The following RIPOR2 variants were observed in gnomAD, a reference collection of about 807,000 sequenced individuals.
RIPOR2 encodes the protein RHO family interacting cell polarization regulator 2.
A neutral mutation model predicts 114.5 loss-of-function variants in RIPOR2; 39 were observed. That is an observed-to-expected ratio of 0.34 (90% CI 0.26 to 0.44). The LOEUF (loss-of-function observed/expected upper bound fraction) is 0.44. Ranked by LOEUF, RIPOR2 falls within the 20% of genes least tolerant of loss-of-function variation. The pLI, the probability that RIPOR2 is intolerant of heterozygous loss-of-function variation, is 1.00. For missense variants in RIPOR2, 1,007 were observed against 1,255.1 expected (o/e 0.80, Z 2.99); for synonymous variants, 445 against 484.4 (o/e 0.92, Z 1.07).
intron 1 of RIPOR2, among the ~76,000 whole-genome samples, chr6:24,965,942 C>T (rs1276648509): frequency 6.6e-6 from 1 of 152,120 alleles, no homozygotes; most frequent in East Asian, 1.9e-4. Flanking sequence ...GTTTCAAACT[C>T]TAATTTGGAG....
intron 1 of RIPOR2, among the ~76,000 whole-genome samples, chr6:24,951,804 T>C (rs1202384271): frequency 6.6e-6 from 1 of 152,254 alleles, no homozygotes; most frequent in Non-Finnish European, 1.5e-5. Context: ...CACAGAATAA[T>C]CAGCTTTGGC....
At chr6:24,953,109 G>A (rs370043110) in intron 1 of RIPOR2, among the ~76,000 whole-genome samples, 3 of 152,154 alleles carry the variant, frequency 2.0e-5, no homozygotes, top group Non-Finnish European at 2.9e-5. Context: ...CAAAGCGGGC[G>A]GATCACCTGA....
At chr6:24,929,730 C>G (rs756290779) in intron 1 of RIPOR2, among the ~76,000 whole-genome samples, 8 of 151,972 alleles carry the variant, frequency 5.3e-5, no homozygotes, top group Non-Finnish European at 1.0e-4. Context: ...TTTTGCCATC[C>G]GAAAATAAAT....
intron 19 of RIPOR2, among the ~76,000 whole-genome samples, chr6:24,819,500 C>G (rs1426145981): frequency 6.6e-6 from 1 of 151,226 alleles, no homozygotes; most frequent in East Asian, 1.9e-4. Flanking sequence ...TAAAAAATCT[C>G]TGCATAAAAG....
chr6:24,995,237 C>T (rs1774995968), intron 1 of RIPOR2, among the ~76,000 whole-genome samples: 1 of 152,194 alleles, frequency 6.6e-6, no homozygotes, highest in Non-Finnish European at 1.5e-5. Context: ...CCTGGGAGTG[C>T]ACAGAGACTT....
chr6:24,889,091 A>C lies in RIPOR2; in HGVS notation c.62-13274T>G, dbSNP rs116277724. On this transcript the variant is annotated intron_variant, in intron 1 of 21. Transcript: ENST00000643898. ...TTTAGGCATCTTATTATAGACTGGAAAATAATACATGAGGTATAAAGTGCT... is the reference window on the plus strand; with the variant it reads ...TTTAGGCATCTTATTATAGACTGGACAATAATACATGAGGTATAAAGTGCT... Among the ~76,000 whole-genome samples the C allele has an allele frequency of 7.0e-3, 1,070 of 152,340 alleles. 8 individuals carry two copies. Among genetic ancestry groups the C allele is most frequent in the Middle Eastern group, 0.027 (8 of 294 alleles).
intron 1 of RIPOR2, among the ~76,000 whole-genome samples, chr6:24,963,067 C>T (rs1561810957): frequency 1.3e-5 from 2 of 152,054 alleles, no homozygotes; most frequent in African/African-American, 4.8e-5. Flanking sequence ...GACAGAGTTT[C>T]GCTATTGTCT....
rs1484068924 is a variant in RIPOR2, at chr6:24,872,935, C to T, written c.369G>A (p.Thr123=). 8.7e-6 allele frequency: 14 copies of T among 1,611,748 alleles called. No homozygotes were observed. Among genetic ancestry groups the T allele is most frequent in the Non-Finnish European group, 1.0e-5 (12 of 1,178,134 alleles). The change falls in exon 4 of 22, where the codon ACG becomes ACA. Residue 123 remains threonine, a synonymous_variant. Coordinates refer to ENST00000643898, the MANE Select transcript of RIPOR2 (RefSeq NM_001286445.3). ...GLDEYLEVHQ[T]ELDKLTAQLK... The stretch of plus-strand genomic sequence containing the variant: ...ACTGAGCTGTCAACTTGTCCAGCTC[C>T]GTCTGGTGAACCTCCAGATATTCAC...
At chr6:25,036,890 G>A (rs1777280204) in intron 1 of RIPOR2, among the ~76,000 whole-genome samples, 1 of 152,168 alleles carries the variant, frequency 6.6e-6, no homozygotes, top group Non-Finnish European at 1.5e-5. Context: ...GTGTGGTGTG[G>A]TGTAAGCCAG....
chr6:24,858,886 T>C lies in RIPOR2; in HGVS notation c.715+2087A>G, dbSNP rs1763768115. ...TCATCTCCTCCCTGAACACCAAGCCTGAAGCTCCAGATCTGGTCCGAGGGT... is the reference window on the plus strand; with the variant it reads ...TCATCTCCTCCCTGAACACCAAGCCCGAAGCTCCAGATCTGGTCCGAGGGT... On this transcript the variant is annotated intron_variant, in intron 8 of 21. Transcript: ENST00000643898. The surrounding 1 kb of genome is among the most constrained non-coding windows in gnomAD (Gnocchi z 4.0). Among the ~76,000 whole-genome samples, 4 of 152,166 alleles carry C rather than the reference T, an allele frequency of 2.6e-5. No individual in the cohort carries two copies. In the South Asian group the frequency reaches 8.3e-4, roughly 32 times the overall value.
At chr6:25,011,815 C>T (rs986192766) in intron 1 of RIPOR2, among the ~76,000 whole-genome samples, 2 of 152,078 alleles carry the variant, frequency 1.3e-5, no homozygotes, top group East Asian at 1.9e-4. Context: ...TGTGACCTGG[C>T]GTTATGTAAT....
At chr6:24,997,450 A>G (rs1775097904) in intron 1 of RIPOR2, among the ~76,000 whole-genome samples, 7 of 152,194 alleles carry the variant, frequency 4.6e-5, no homozygotes, top group Admixed American at 4.6e-4. Context: ...AGCCTCCATG[A>G]GCAATAGCAA....
At chr6:24,904,834 G>A (rs889485680) in intron 1 of RIPOR2, among the ~76,000 whole-genome samples, 4 of 152,176 alleles carry the variant, frequency 2.6e-5, no homozygotes, top group Non-Finnish European at 5.9e-5. Flanking sequence ...GAGTGCAGTG[G>A]TGTGATCCCT....
chr6:24,839,933 A>ATTTTTTTT (rs1562240965), intron 13 of RIPOR2: 1 of 280,614 alleles, frequency 3.6e-6, no homozygotes, highest in African/African-American at 4.7e-5. Flanking sequence ...GAAGCCCTGC[A>ATTTTTTTT]TCTTTTTTTT....
At chr6:24,810,611 A>G (rs947653850) in intron 20 of RIPOR2, among the ~76,000 whole-genome samples, 6 of 152,222 alleles carry the variant, frequency 3.9e-5, no homozygotes, top group African/African-American at 1.4e-4. Flanking sequence ...TAGTGGATTC[A>G]GAGTATGAAA....
intron 7 of RIPOR2, among the ~76,000 whole-genome samples, chr6:24,864,269 G>T (rs1166159800): frequency 2.0e-5 from 3 of 152,172 alleles, no homozygotes; most frequent in African/African-American, 7.2e-5. Context: ...GGCAGAGATT[G>T]CAGTGAGCCA....
chr6:25,015,935 A>T (rs1581955204), intron 1 of RIPOR2: 1 of 103,186 alleles, frequency 9.7e-6, no homozygotes, highest in African/African-American at 3.8e-5. Context: ...AAGGAGTCTT[A>T]CTCTGTCACC....
At chr6:24,869,959 C>T (rs1045806002) in intron 5 of RIPOR2, among the ~76,000 whole-genome samples, 3 of 151,930 alleles carry the variant, frequency 2.0e-5, no homozygotes, top group African/African-American at 7.3e-5. Flanking sequence ...CATTTATTTG[C>T]CTTTTAAAAT....
chr6:24,897,397 G>C (rs1257859083), intron 1 of RIPOR2, among the ~76,000 whole-genome samples: 1 of 152,238 alleles, frequency 6.6e-6, no homozygotes, highest in African/African-American at 2.4e-5. Context: ...GGTGAAGAGA[G>C]AAGGGGGCCA....
Sources: allele counts gnomAD v4.1 joint callset (sites outside exome capture counted in the v4.1 genomes callset), GRCh38; gene constraint gnomAD v4.1.1; non-coding constraint Gnocchi (gnomAD v3.1); transcripts MANE v1.5; gene names NCBI Gene and HGNC (gene_info 2026-07-23, HGNC 2026-07-21).